The following CSMD2 variants were observed in gnomAD, a reference collection of about 807,000 sequenced individuals.
CSMD2 encodes CUB and sushi domain-containing protein 2.
A neutral mutation model predicts 398.5 loss-of-function variants in CSMD2; 130 were observed. The observed-to-expected ratio is 0.33, with a 90% confidence interval of 0.28 to 0.38. CSMD2 has a LOEUF of 0.38. CSMD2 is among the 10% of genes least tolerant of loss of function. CSMD2 has a pLI of 1.00. For synonymous variants in CSMD2, 1,828 were observed against 1,908.5 expected (o/e 0.96, Z 1.10); for missense variants, 3,829 against 4,764.9 (o/e 0.80, Z 5.78).
At chr1:33,893,056 G>A (rs1242685530) in intron 5 of CSMD2, among the ~76,000 whole-genome samples, 1 of 152,184 alleles carries the variant, frequency 6.6e-6, no homozygotes, top group Non-Finnish European at 1.5e-5. Context: ...ATAAATTGAT[G>A]ATGCTTGATT....
rs570847580 is a variant in CSMD2, at chr1:33,724,619, C to T, written c.2781G>A (p.Ala927=). The change falls in exon 18 of 71, where the codon GCG becomes GCA. Residue 927 remains alanine, a synonymous_variant. Transcript: ENST00000373381. The part of the protein sequence containing the change: ...QRHGNDFYVG[A]LVTFSCDSGY... ...CCGAGTCACAGCTGAAGGTCACCAG[C>T]GCGCCCACGTAGAAGTCATTCCCAT... 2.6e-5 allele frequency: 42 copies of T among 1,614,154 alleles called. No individual in the cohort carries two copies. Among genetic ancestry groups the T allele is most frequent in the East Asian group, 1.3e-4 (6 of 44,870 alleles).
intron 13 of CSMD2, among the ~76,000 whole-genome samples, chr1:33,754,261 C>T (rs1309946357): frequency 6.6e-6 from 1 of 152,132 alleles, no homozygotes; most frequent in African/African-American, 2.4e-5. Context: ...TAGCATCATC[C>T]CCTTGGCTAC....
At chr1:33,828,583 G>A (rs1347576363) in intron 6 of CSMD2, among the ~76,000 whole-genome samples, 1 of 152,188 alleles carries the variant, frequency 6.6e-6, no homozygotes, top group Non-Finnish European at 1.5e-5. Context: ...ATTCCCAGGG[G>A]CAAAGCTGCT....
chr1:34,037,121 A>ATTTAG, intron 2 of CSMD2, among the ~76,000 whole-genome samples: 1 of 152,116 alleles, frequency 6.6e-6, no homozygotes, highest in Non-Finnish European at 1.5e-5. Context: ...AAAAAATTAA[A>ATTTAG]TTTAATAAGT....
At chr1:33,847,924 C>G (rs1638397719) in intron 5 of CSMD2, among the ~76,000 whole-genome samples, 1 of 152,172 alleles carries the variant, frequency 6.6e-6, no homozygotes, top group Non-Finnish European at 1.5e-5. Flanking sequence ...TCAGTAACGG[C>G]AGCTGCTGTT....
intron 3 of CSMD2, among the ~76,000 whole-genome samples, chr1:33,973,051 A>C (rs577908191): frequency 6.6e-6 from 1 of 152,162 alleles, no homozygotes; most frequent in Non-Finnish European, 1.5e-5. Flanking sequence ...TCAGCCTCTG[A>C]CCCCAAGACT....
chr1:33,698,891 C>G lies in CSMD2; in HGVS notation c.3787G>C (p.Val1263Leu). ...CCTGCAAAATGACCTTCATCATGAA[C>G]CTTGTAGCCAAACTTGGGGGTTCCT... ...DPGTPKFGYK[V>L]HDEGHFAGSS... Residue 1263 changes from valine to leucine, a missense_variant, in exon 24 of 71, where the codon GTT becomes CTT. By Grantham distance (32) the Val-to-Leu change is conservative. Around this residue, in one of 5 missense-constraint regions of CSMD2, gnomAD observed 2,001 missense variants for 2,567.1 expected, o/e 0.78. Coordinates refer to ENST00000373381, the MANE Select transcript of CSMD2 (RefSeq NM_001281956.2). 6.2e-7 allele frequency: 1 copy of G among 1,614,160 alleles called. No homozygotes were observed. The highest frequency in any genetic ancestry group is 8.5e-7 in the Non-Finnish European group (1 of 1,180,006).
chr1:33,579,441 T>C (rs1248059767), intron 48 of CSMD2, among the ~76,000 whole-genome samples: 1 of 152,034 alleles, frequency 6.6e-6, no homozygotes, highest in Non-Finnish European at 1.5e-5. Flanking sequence ...AGAGGTTGGA[T>C]GGACTTTGCA....
chr1:33,942,280 T>A (rs1022397165), intron 3 of CSMD2, among the ~76,000 whole-genome samples: 1 of 152,216 alleles, frequency 6.6e-6, no homozygotes, highest in Non-Finnish European at 1.5e-5. Flanking sequence ...TCTTGCACAG[T>A]CCATTCCACA....
chr1:33,558,869 C>T (rs896699174), intron 54 of CSMD2, among the ~76,000 whole-genome samples: 10 of 151,898 alleles, frequency 6.6e-5, no homozygotes, highest in Non-Finnish European at 8.8e-5. Flanking sequence ...AGAGTGGTTC[C>T]AAAGGAGCTG....
chr1:33,573,075 G>C lies in CSMD2; in HGVS notation c.7577-384C>G, dbSNP rs1271142772. The stretch of plus-strand genomic sequence containing the variant: ...GGGATCTCTCTTAGGATGAATTAGG[G>C]CTGTTATGGTGGGAGTTGGCATCCC... On this transcript the variant is annotated intron_variant, in intron 49 of 70. Coordinates refer to ENST00000373381, the MANE Select transcript of CSMD2 (RefSeq NM_001281956.2). Among the ~76,000 whole-genome samples, 3 of 152,068 alleles carry C rather than the reference G, an allele frequency of 2.0e-5. No homozygotes were observed. In the East Asian group the frequency reaches 5.8e-4, roughly 29 times the overall value.
chr1:33,902,474 G>A (rs1197881605), intron 5 of CSMD2, among the ~76,000 whole-genome samples: 2 of 152,160 alleles, frequency 1.3e-5, no homozygotes, highest in Non-Finnish European at 2.9e-5. Flanking sequence ...CGAATCCACA[G>A]TGAGCTGTAA....
At chr1:34,138,957 A>G (rs9286952) in intron 1 of CSMD2, among the ~76,000 whole-genome samples, 112,880 of 151,836 alleles carry the variant, frequency 0.74, 44,450 homozygotes, top group Non-Finnish European at 0.87. Flanking sequence ...CTTCCTCTCC[A>G]TCACCCCCCA....
chr1:33,609,783 G>T (rs1204804253), intron 41 of CSMD2, among the ~76,000 whole-genome samples: 2 of 152,082 alleles, frequency 1.3e-5, no homozygotes, highest in East Asian at 1.9e-4. Flanking sequence ...TTGAATTGTT[G>T]AAAGTGTGTA....
chr1:33,732,567 A>T (rs1051095138), intron 15 of CSMD2, among the ~76,000 whole-genome samples: 1 of 152,176 alleles, frequency 6.6e-6, no homozygotes, highest in Non-Finnish European at 1.5e-5. Flanking sequence ...TTCAGGAGAA[A>T]CCAGCCCTGC....
chr1:33,973,217 C>T (rs773036536), intron 3 of CSMD2, among the ~76,000 whole-genome samples: 35 of 152,204 alleles, frequency 2.3e-4, no homozygotes, highest in Non-Finnish European at 4.3e-4. Flanking sequence ...TTGCCCAGCA[C>T]GCTGGCATGT....
chr1:34,126,764 A>G (rs1292744537), intron 1 of CSMD2, among the ~76,000 whole-genome samples: 2 of 149,762 alleles, frequency 1.3e-5, no homozygotes, highest in Non-Finnish European at 3.0e-5. Flanking sequence ...GGAGGAAGGA[A>G]ACGGAGGCAA....
chr1:33,720,240 A>G (rs1646314612), intron 19 of CSMD2, among the ~76,000 whole-genome samples: 1 of 152,220 alleles, frequency 6.6e-6, no homozygotes, highest in Non-Finnish European at 1.5e-5. Context: ...AGAAGCCAAG[A>G]AAACTACAGG....
At chr1:33,984,876 C>A (rs908852963) in intron 3 of CSMD2, among the ~76,000 whole-genome samples, 6 of 150,572 alleles carry the variant, frequency 4.0e-5, no homozygotes, top group African/African-American at 1.5e-4. Context: ...GGCAGGCAGG[C>A]AGGCAGGCAG....
Sources: gnomAD v4.1 joint callset for allele counts (sites outside exome capture counted in the v4.1 genomes callset) on GRCh38, gnomAD v4.1.1 for gene constraint, gnomAD v4.1.1 regional missense constraint, MANE v1.5 for transcripts, NCBI Gene and HGNC (gene_info 2026-07-23, HGNC 2026-07-21) for gene names.